Variants in USP50 observed in about 807,000 individuals in gnomAD.
USP50 encodes the protein ubiquitin carboxyl-terminal hydrolase 50.
Under a neutral mutation model 39.2 loss-of-function variants are expected in USP50, and 37 were observed. That is an observed-to-expected ratio of 0.94 (90% CI 0.73 to 1.24). The LOEUF is 1.24. Ranked by LOEUF, USP50 falls within the 50% of genes most tolerant of loss-of-function variation. The pLI, the probability that USP50 is intolerant of heterozygous loss-of-function variation, is 0.00. For synonymous variants in USP50, 139 were observed against 144.5 expected, an observed-to-expected ratio of 0.96 and a Z score of 0.27; for missense variants, 374 against 398.2, an observed-to-expected ratio of 0.94 and a Z score of 0.52.
intron 1 of USP50, among the ~76,000 whole-genome samples, chr15:50,495,493 G>T (rs886309828): frequency 2.3e-5 from 3 of 130,948 alleles, no homozygotes; most frequent in African/African-American, 9.7e-5. Flanking sequence ...TGGAGGGGGG[G>T]GTCTCACTAT....
At position 50,521,034 on chromosome 15, in the gene USP50, A is replaced by G. The variant is rs149970703; in HGVS notation, c.936+8763T>C. Among the ~76,000 whole-genome samples, 1,304 of 152,138 alleles carry G rather than the reference A, an allele frequency of 8.6e-3. 26 individuals carry two copies. The highest frequency in any genetic ancestry group is 0.03 in the African/African-American group (1,240 of 41,526). On this transcript the variant is annotated intron_variant, in intron 6 of 6. Coordinates refer to ENST00000532404, the MANE Select transcript of USP50 (RefSeq NM_203494.5). ...GGTGATGGAAACCTTAAATACCCCA[A>G]TTTGGTTCTTTTGTTTGTTTGTTTT... is the stretch of plus-strand genomic sequence containing the variant.
chr15:50,531,772 G>GACACCA (rs2052942362), intron 5 of USP50, among the ~76,000 whole-genome samples: 2 of 152,172 alleles, frequency 1.3e-5, no homozygotes, highest in African/African-American at 2.4e-5. Flanking sequence ...AAGCAATGAT[G>GACACCA]AGAGACATCT....
intron 6 of USP50, chr15:50,508,833 A>AT (rs1303727118): frequency 1.5e-5 from 2 of 134,134 alleles, no homozygotes; most frequent in Non-Finnish European, 3.2e-5. Flanking sequence ...CCCCGTCTCT[A>AT]TAAAAAAAAA....
chr15:50,535,438 G>C (rs2052972385), intron 5 of USP50, among the ~76,000 whole-genome samples: 1 of 152,186 alleles, frequency 6.6e-6, no homozygotes, highest in Non-Finnish European at 1.5e-5. Context: ...TCTGGCCTAA[G>C]GTGTGCTTGT....
downstream of USP50, chr15:50,499,023 T>G (rs762795803): frequency 1.9e-6 from 3 of 1,613,956 alleles, no homozygotes; most frequent in African/African-American, 1.3e-5. Flanking sequence ...TTCTGTGAAA[T>G]CTTCAGCAGC....
chr15:50,524,514 A>C (rs1268028167), intron 6 of USP50, among the ~76,000 whole-genome samples: 3 of 152,246 alleles, frequency 2.0e-5, no homozygotes, highest in Admixed American at 6.5e-5. Context: ...CATGACAAAA[A>C]TGTTCAACAT....
At chr15:50,523,064 G>A (rs2052862183) in intron 6 of USP50, among the ~76,000 whole-genome samples, 1 of 151,580 alleles carries the variant, frequency 6.6e-6, no homozygotes, top group African/African-American at 2.4e-5. Flanking sequence ...TGTTTGCTGA[G>A]GACACGATCT....
At chr15:50,502,365 C>G (rs1299202499) in intron 6 of USP50, 1 of 149,972 alleles carries the variant, frequency 6.7e-6, no homozygotes, top group African/African-American at 2.5e-5. Flanking sequence ...CTTCGGCCTC[C>G]CAAAGTTATT....
chr15:50,525,177 G>C (rs892854932), intron 6 of USP50, among the ~76,000 whole-genome samples: 1 of 152,164 alleles, frequency 6.6e-6, no homozygotes, highest in Non-Finnish European at 1.5e-5. Context: ...GGCACAGAAA[G>C]ACAAATACTG....
chr15:50,538,643 C>T (rs1011680835), intron 5 of USP50, 66 bp downstream of exon 5: 6 of 1,436,514 alleles, frequency 4.2e-6, no homozygotes, highest in African/African-American at 1.4e-5. Context: ...GAATTATTGG[C>T]ATGTGAATTT....
intron 6 of USP50, among the ~76,000 whole-genome samples, chr15:50,524,195 C>T (rs1033948972): frequency 1.3e-5 from 2 of 152,344 alleles, no homozygotes; most frequent in East Asian, 1.9e-4. Flanking sequence ...GGAGACGCTA[C>T]ACAGCGTTGG....
At chr15:50,522,746 A>G (rs956627752) in intron 6 of USP50, among the ~76,000 whole-genome samples, 1 of 152,184 alleles carries the variant, frequency 6.6e-6, no homozygotes, top group African/African-American at 2.4e-5. Flanking sequence ...CCTGGATTCA[A>G]GTGATTCTCC....
At chr15:50,503,016 C>T (rs573312338) in intron 6 of USP50, 2 of 152,328 alleles carry the variant, frequency 1.3e-5, no homozygotes, top group South Asian at 4.1e-4. Flanking sequence ...CACCTCTCTC[C>T]TTACAGGTAA....
chr15:50,544,080 C>G, intron 2 of USP50: 1 of 389,198 alleles, frequency 2.6e-6, no homozygotes, highest in Non-Finnish European at 4.8e-6. Flanking sequence ...GTAATGCCAG[C>G]ACTTTGGGGG....
At chr15:50,533,044 C>T (rs1036542230) in intron 5 of USP50, among the ~76,000 whole-genome samples, 2 of 151,882 alleles carry the variant, frequency 1.3e-5, no homozygotes, top group Admixed American at 1.3e-4. Flanking sequence ...CAGTGGCTCA[C>T]GCCTGTATCC....
rs1007936119 is a variant in USP50 at position 50,515,628 on chromosome 15, A to T, written c.936+14169T>A. Among the ~76,000 whole-genome samples the T allele has an allele frequency of 2.8e-5, 4 of 142,200 alleles. No individual in the cohort carries two copies. In the Admixed American group the frequency reaches 3.0e-4, roughly 11 times the overall value. 93.3% of individuals were successfully genotyped at this position (142,200 alleles called of 152,430 possible). On this transcript the variant is annotated intron_variant, in intron 6 of 6. Transcript: ENST00000532404. The stretch of plus-strand genomic sequence containing the variant: ...ATTATAGGTTACTTTCTCAATTGTG[A>T]TAATAGATGTAAAATATATATGTGT...
At chr15:50,514,833 A>T (rs1196599418) in intron 6 of USP50, among the ~76,000 whole-genome samples, 1 of 151,662 alleles carries the variant, frequency 6.6e-6, no homozygotes, top group South Asian at 2.1e-4. Flanking sequence ...TGGCCTACAA[A>T]TTTTTTTAAA....
chr15:50,535,356 T>C (rs1156356583), intron 5 of USP50, among the ~76,000 whole-genome samples: 2 of 152,170 alleles, frequency 1.3e-5, no homozygotes, highest in Non-Finnish European at 2.9e-5. Flanking sequence ...CAGCAGAATA[T>C]ATATTATTCT....
chr15:50,521,532 TA>T (rs1460499886), intron 6 of USP50, among the ~76,000 whole-genome samples: 2 of 151,022 alleles, frequency 1.3e-5, no homozygotes, highest in Non-Finnish European at 3.0e-5. Context: ...AGGAGGGAAA[TA>T]ACAAAGATCA....
Sources: gnomAD v4.1 joint callset for allele counts (sites outside exome capture counted in the v4.1 genomes callset) on GRCh38, gnomAD v4.1.1 for gene constraint, MANE v1.5 for transcripts, NCBI Gene and HGNC (gene_info 2026-07-23, HGNC 2026-07-21) for gene names.